The following BLNK variants were observed in gnomAD, a reference collection of about 807,000 sequenced individuals.
BLNK encodes B-cell linker protein.
Under a neutral mutation model 73.5 loss-of-function variants are expected in BLNK, and 29 were observed. That is an observed-to-expected ratio of 0.39 (90% CI 0.29 to 0.54). The LOEUF is 0.54. BLNK is among the 20% of genes least tolerant of loss of function. BLNK has a pLI of 0.61. For missense variants in BLNK, 460 were observed against 562.8 expected (o/e 0.82, Z 1.85); for synonymous variants, 176 against 200.8 (o/e 0.88, Z 1.04).
intron 2 of BLNK, among the ~76,000 whole-genome samples, chr10:96,246,171 A>G (rs17111515): frequency 0.04 from 3,820 of 95,520 alleles, 154 homozygotes; most frequent in African/African-American, 0.11. Context: ...TTTGATGTAC[A>G]AGGAGTTTTG....
At chr10:96,259,597 G>GGCTGTTTC (rs1554912149) in intron 1 of BLNK, among the ~76,000 whole-genome samples, 2 of 148,336 alleles carry the variant, frequency 1.3e-5, no homozygotes, top group Non-Finnish European at 3.0e-5. Context: ...TTGCTGCCAG[G>GGCTGTTTC]GCTGTTTCTT....
At chr10:96,259,640 A>G (rs889539459) in intron 1 of BLNK, among the ~76,000 whole-genome samples, 1 of 130,274 alleles carries the variant, frequency 7.7e-6, no homozygotes, top group South Asian at 2.5e-4. Context: ...AAAGTAATTT[A>G]TAAGTTTCTC....
intron 3 of BLNK, among the ~76,000 whole-genome samples, chr10:96,232,702 T>G (rs1842547572): frequency 6.6e-6 from 1 of 152,188 alleles, no homozygotes; most frequent in African/African-American, 2.4e-5. Context: ...TGAATTAGAG[T>G]GTACTGCAAT....
At chr10:96,269,718 C>G (rs1183378465) in intron 1 of BLNK, among the ~76,000 whole-genome samples, 1 of 152,150 alleles carries the variant, frequency 6.6e-6, no homozygotes, top group Non-Finnish European at 1.5e-5. Context: ...GGTCAGGGCA[C>G]TCACCATCCT....
intron 1 of BLNK, among the ~76,000 whole-genome samples, chr10:96,268,811 T>C (rs1256760171): frequency 1.3e-5 from 2 of 152,200 alleles, no homozygotes; most frequent in Non-Finnish European, 2.9e-5. Context: ...TTCAGTCCTT[T>C]GGATGGACAC....
chr10:96,227,381 C>T (rs373568868), intron 5 of BLNK, 29 bp downstream of exon 5: 9 of 1,609,394 alleles, frequency 5.6e-6, no homozygotes, highest in Admixed American at 5.0e-5. Flanking sequence ...CCTGGAAGGC[C>T]GAGTGCCCAG....
At chr10:96,217,606 C>A (rs1434089025) in intron 6 of BLNK, among the ~76,000 whole-genome samples, 2 of 152,034 alleles carry the variant, frequency 1.3e-5, no homozygotes. Context: ...TTTGTATATT[C>A]TTTGGAGACA....
chr10:96,241,281 A>G (rs73324942), intron 3 of BLNK, among the ~76,000 whole-genome samples: 4,907 of 152,338 alleles, frequency 0.032, 117 homozygotes, highest in African/African-American at 0.06. Context: ...AGAATCATCA[A>G]TGATGTCTGT....
intron 1 of BLNK, among the ~76,000 whole-genome samples, chr10:96,260,934 C>T (rs1451533594): frequency 3.3e-5 from 5 of 151,972 alleles, no homozygotes; most frequent in African/African-American, 1.2e-4. Context: ...GCCTCAACCT[C>T]CCTGGCTCAA....
intron 9 of BLNK, among the ~76,000 whole-genome samples, chr10:96,208,490 G>A (rs1295993759): frequency 6.6e-6 from 1 of 152,184 alleles, no homozygotes; most frequent in Non-Finnish European, 1.5e-5. Flanking sequence ...GTGTGGTCCT[G>A]AAGGTACTTG....
At chr10:96,269,948 C>T (rs1037532800) in intron 1 of BLNK, among the ~76,000 whole-genome samples, 2 of 152,172 alleles carry the variant, frequency 1.3e-5, no homozygotes, top group Non-Finnish European at 2.9e-5. Context: ...ACCCACCTCT[C>T]AAAGCCTACC....
At chr10:96,257,902 C>T (rs150434590) in intron 1 of BLNK, among the ~76,000 whole-genome samples, 6 of 152,176 alleles carry the variant, frequency 3.9e-5, no homozygotes, top group South Asian at 2.1e-4. Flanking sequence ...ATAGGCAGAC[C>T]GGAGAATTCT....
At chr10:96,199,728 A>G (rs991233718) in intron 15 of BLNK, among the ~76,000 whole-genome samples, 76 of 152,312 alleles carry the variant, frequency 5.0e-4, no homozygotes, top group African/African-American at 1.8e-3. Flanking sequence ...TTTAAAAATG[A>G]TCAGACCTTG....
intron 9 of BLNK, 115 bp downstream of exon 9, chr10:96,209,723 G>T: frequency 2.4e-6 from 3 of 1,274,026 alleles, no homozygotes; most frequent in Non-Finnish European, 3.4e-6. Flanking sequence ...CCTTACTCTT[G>T]GTCCAAGTTG....
intron 1 of BLNK, among the ~76,000 whole-genome samples, chr10:96,251,243 G>T (rs999094733): frequency 6.6e-5 from 10 of 152,178 alleles, no homozygotes; most frequent in African/African-American, 2.4e-4. Context: ...ACCAAGATTT[G>T]CTGTGATGCT....
chr10:96,239,177 AAGAGAACACTTC>A (rs1842802343), intron 3 of BLNK: 2 of 398,508 alleles, frequency 5.0e-6, no homozygotes, highest in East Asian at 3.6e-5. Context: ...GAGGACAAAA[AAGAGAACACTTC>A]AGAGCATCAG....
At chr10:96,230,672 C>T (rs1554903742) in intron 4 of BLNK, 122 bp downstream of exon 4, 21 of 1,205,772 alleles carry the variant, frequency 1.7e-5, no homozygotes, top group African/African-American at 4.5e-5. Context: ...TGTAGGTGAC[C>T]TTTCCAAGTC....
At position 96,191,911 on chromosome 10, in the gene BLNK, C is replaced by T. The variant is rs1591285378; in HGVS notation, c.*62G>A. The stretch of plus-strand genomic sequence containing the variant: ...AAAATATGAAGTTTTGGGACTTTTT[C>T]TCAAAAGGAGAAACTTTGGGAAAGT... On this transcript the variant is annotated 3_prime_UTR_variant, in exon 17 of 17. Transcript: ENST00000224337. 1.2e-6 allele frequency: 2 copies of T among 1,606,018 alleles called. No homozygotes were observed. Among genetic ancestry groups the T allele is most frequent in the Non-Finnish European group, 1.7e-6 (2 of 1,174,802 alleles).
intron 1 of BLNK, among the ~76,000 whole-genome samples, chr10:96,250,417 A>G (rs113271035): frequency 3.7e-5 from 5 of 133,918 alleles, no homozygotes; most frequent in African/African-American, 1.4e-4. Flanking sequence ...AGAGAGGGGG[A>G]GAGAGAGAGA....
Sources: gnomAD v4.1 joint callset for allele counts (sites outside exome capture counted in the v4.1 genomes callset) on GRCh38, gnomAD v4.1.1 for gene constraint, MANE v1.5 for transcripts, NCBI Gene and HGNC (gene_info 2026-07-23, HGNC 2026-07-21) for gene names.